LEMD1: variants seen among roughly 807,000 people sequenced by gnomAD.
LEMD1 encodes the protein LEM domain containing 1.
In LEMD1, 18 loss-of-function variants were observed where a neutral mutation model predicts 17.4. The ratio of observed to expected loss-of-function variants is 1.04; its 90% CI spans 0.72 to 1.54. The LOEUF (loss-of-function observed/expected upper bound fraction) is 1.54. LEMD1 is among the 40% of genes most tolerant of loss of function. The probability of loss-of-function intolerance (pLI) is 0.00; values close to 1 mark genes in which losing one functional copy is unlikely to be tolerated. For missense variants in LEMD1, 195 were observed against 210.4 expected (o/e 0.93, Z 0.45); for synonymous variants, 88 against 77.8 (o/e 1.13, Z -0.69).
At chr1:205,437,825 A>T (rs746450161) in intron 1 of LEMD1, 1 of 152,216 alleles carries the variant, frequency 6.6e-6, no homozygotes, top group East Asian at 1.9e-4. Context: ...ATTAGTTTCC[A>T]AGCAGGGCTA....
chr1:205,415,973 G>A lies in LEMD1; in HGVS notation c.270+259C>T, dbSNP rs778245696. Among the ~76,000 whole-genome samples the A allele has an allele frequency of 3.8e-4, 58 of 152,156 alleles. 1 individual carries two copies. Among genetic ancestry groups the A allele is most frequent in the Non-Finnish European group, 1.9e-4 (13 of 68,024 alleles). ...CAGATAGTGAAAATGGGGAGGGGGCGTGACAGCTGGGGAAAGCAGAGTGGT... is the reference window on the plus strand; with the variant it reads ...CAGATAGTGAAAATGGGGAGGGGGCATGACAGCTGGGGAAAGCAGAGTGGT... On this transcript the variant is annotated intron_variant, in intron 4 of 5. Transcript: ENST00000367153.
intron 1 of LEMD1, among the ~76,000 whole-genome samples, chr1:205,432,400 T>C (rs2102454489): frequency 6.6e-6 from 1 of 152,304 alleles, no homozygotes; most frequent in East Asian, 1.9e-4. Context: ...TAACAAAACC[T>C]GCTCCAAGAG....
At chr1:205,445,479 T>C (rs778971369) in intron 1 of LEMD1, among the ~76,000 whole-genome samples, 1 of 152,262 alleles carries the variant, frequency 6.6e-6, no homozygotes, top group Admixed American at 6.5e-5. Context: ...CCGAGCTCTC[T>C]GGAATCACAG....
At chr1:205,412,103 A>T (rs1165143756) in intron 4 of LEMD1, among the ~76,000 whole-genome samples, 1 of 152,198 alleles carries the variant, frequency 6.6e-6, no homozygotes, top group East Asian at 1.9e-4. Flanking sequence ...TTTCAAAAGC[A>T]TACTGGTCAG....
At chr1:205,400,236 GT>G (rs893263500) in intron 4 of LEMD1, among the ~76,000 whole-genome samples, 6 of 152,066 alleles carry the variant, frequency 3.9e-5, no homozygotes, top group Non-Finnish European at 7.4e-5. Context: ...TAATTTTTAT[GT>G]TTTTTTGTAG....
intron 4 of LEMD1, among the ~76,000 whole-genome samples, chr1:205,406,555 C>T (rs952958293): frequency 2.0e-5 from 3 of 152,212 alleles, no homozygotes; most frequent in Non-Finnish European, 2.9e-5. Context: ...CTAAGCCTGT[C>T]GGAAAAGCGC....
chr1:205,442,047 TCTCTGCCCTTC>T (rs1341245988), intron 1 of LEMD1, among the ~76,000 whole-genome samples: 4 of 152,154 alleles, frequency 2.6e-5, no homozygotes, highest in Non-Finnish European at 4.4e-5. Context: ...CCAGTTCACC[TCTCTGCCCTTC>T]CTCTGCCCCT....
chr1:205,448,760 C>T lies in LEMD1; in HGVS notation c.-39+1108G>A, dbSNP rs1287484558. Among the ~76,000 whole-genome samples the T allele has an allele frequency of 6.6e-6, 1 of 152,152 alleles. No individual in the cohort carries two copies. Among genetic ancestry groups the T allele is most frequent in the Non-Finnish European group, 1.5e-5 (1 of 68,014 alleles). ...AGAATAAGGCCGGATCTTTTCAAGG[C>T]TGCTGCTGCCAGTACCCAGGATGGG... On this transcript the variant is annotated intron_variant, in intron 1 of 3. Transcript: ENST00000367154. The surrounding 1 kb of genome is among the most constrained non-coding windows in gnomAD (Gnocchi z 4.7).
At chr1:205,435,268 G>A (rs769219940) in intron 1 of LEMD1, 5 of 152,234 alleles carry the variant, frequency 3.3e-5, no homozygotes, top group Non-Finnish European at 5.9e-5. Context: ...GGGAACGTTA[G>A]CACCATTGAC....
intron 4 of LEMD1, among the ~76,000 whole-genome samples, chr1:205,411,296 A>C (rs150193367): frequency 5.3e-5 from 8 of 151,796 alleles, no homozygotes; most frequent in Non-Finnish European, 1.0e-4. Context: ...GGCCAGGCGC[A>C]GTGGCTCACG....
rs913724 is a variant in LEMD1, at chr1:205,448,103, T to C, written c.-39+1765A>G. ...CCTCAGAGGGAATCTCCCTCTGGAA[T>C]CACCGGCCCAGTCTCTTCATTCCAG... is the stretch of plus-strand genomic sequence containing the variant. On this transcript the variant is annotated intron_variant, in intron 1 of 3. Transcript: ENST00000367154. This position sits in a 1 kb window ranked among gnomAD's most constrained non-coding sequence, Gnocchi z 4.7. 0.38 allele frequency among the ~76,000 whole-genome samples: 57,697 copies of C among 152,016 alleles called. 11,155 individuals carry two copies. The highest frequency in any genetic ancestry group is 0.41 in the Non-Finnish European group (27,860 of 67,950).
intron 4 of LEMD1, among the ~76,000 whole-genome samples, chr1:205,384,690 C>CT (rs1224717504): frequency 6.6e-6 from 1 of 152,050 alleles, no homozygotes; most frequent in African/African-American, 2.4e-5. Flanking sequence ...GCTTGGAGCT[C>CT]TTTTTTATGA....
At chr1:205,438,415 T>C (rs1172629079) in intron 1 of LEMD1, among the ~76,000 whole-genome samples, 1 of 152,222 alleles carries the variant, frequency 6.6e-6, no homozygotes, top group Non-Finnish European at 1.5e-5. Flanking sequence ...AGCAGAAGCC[T>C]GGCCCGAAGT....
At chr1:205,394,214 T>A (rs1182319066) in intron 4 of LEMD1, among the ~76,000 whole-genome samples, 2 of 61,132 alleles carry the variant, frequency 3.3e-5, no homozygotes, top group Non-Finnish European at 3.1e-5. Flanking sequence ...TGGGGTGGGG[T>A]GGGGGGTAGA....
At chr1:205,394,980 CCTT>C (rs1365041968) in intron 4 of LEMD1, among the ~76,000 whole-genome samples, 2 of 150,634 alleles carry the variant, frequency 1.3e-5, no homozygotes, top group Non-Finnish European at 3.0e-5. Flanking sequence ...CAGTGAGACT[CCTT>C]CTCAAAAAAA....
intron 4 of LEMD1, among the ~76,000 whole-genome samples, chr1:205,390,174 G>T (rs1664263249): frequency 1.3e-5 from 2 of 152,106 alleles, no homozygotes; most frequent in Non-Finnish European, 2.9e-5. Context: ...GGCCAACATG[G>T]TGAAACTCCA....
intron 1 of LEMD1, among the ~76,000 whole-genome samples, chr1:205,433,309 TAGTG>T (rs1666153628): frequency 2.0e-5 from 3 of 151,922 alleles, no homozygotes; most frequent in African/African-American, 7.3e-5. Context: ...ATACAAAAAT[TAGTG>T]AGGCGTGGTG....
At chr1:205,401,957 G>A (rs1296662867) in intron 4 of LEMD1, among the ~76,000 whole-genome samples, 1 of 152,054 alleles carries the variant, frequency 6.6e-6, no homozygotes, top group African/African-American at 2.4e-5. Flanking sequence ...TATTAAATGG[G>A]GAATCCTTTC....
At chr1:205,439,624 T>C (rs1402606734) in intron 1 of LEMD1, among the ~76,000 whole-genome samples, 2 of 152,342 alleles carry the variant, frequency 1.3e-5, no homozygotes, top group African/African-American at 4.8e-5. Context: ...CCTTGCCCTC[T>C]CTACCCAGGT....
Sources: gnomAD v4.1 joint callset for allele counts (sites outside exome capture counted in the v4.1 genomes callset) on GRCh38, gnomAD v4.1.1 for gene constraint, Gnocchi (gnomAD v3.1) non-coding constraint, MANE v1.5 for transcripts, NCBI Gene and HGNC (gene_info 2026-07-23, HGNC 2026-07-21) for gene names.